The following OR10R2 variants were observed in gnomAD, a reference collection of about 807,000 sequenced individuals.
OR10R2 encodes the protein olfactory receptor 10R2.
OR10R2 carries 1 observed loss-of-function variant against 2.4 expected under a neutral mutation model. That is an observed-to-expected ratio of 0.41 (90% CI 0.15 to 1.95). The LOEUF (loss-of-function observed/expected upper bound fraction) is 1.95, where lower values mean the gene tolerates loss of function less well. OR10R2 is among the 30% of genes most tolerant of loss of function. The probability of loss-of-function intolerance (pLI) is 0.30; values close to 1 mark genes in which losing one functional copy is unlikely to be tolerated. For synonymous variants in OR10R2, 166 were observed against 144.8 expected, an observed-to-expected ratio of 1.15 and a Z score of -1.05; for missense variants, 419 against 373.0, an observed-to-expected ratio of 1.12 and a Z score of -1.01.
exon 2 of OR10R2, chr1:158,480,607 A>G (rs1571296484): frequency 1.1e-5 from 17 of 1,613,406 alleles, no homozygotes; most frequent in African/African-American, 1.3e-5. Flanking sequence ...CATTCTGAGG[A>G]CTATCCTGAA....
At chr1:158,479,904 C>G in intron 1 of OR10R2, 34 bp from the exon 2 acceptor site, 1 of 1,609,334 alleles carries the variant, frequency 6.2e-7, no homozygotes. Context: ...TATTCACATA[C>G]CTGAATATGT....
Position 158,480,249 on chromosome 1 carries a change from C to T in OR10R2, c.339C>T (p.Phe113=), listed in dbSNP as rs747476584. 6.2e-6 allele frequency: 10 copies of T among 1,613,972 alleles called. No homozygotes were observed. The Admixed American group carries it at 1.0e-4, about 16-fold the overall frequency. Residue 113 remains phenylalanine, a synonymous_variant, in exon 2 of 2, where the codon TTC becomes TTT. Coordinates refer to ENST00000641067, the Ensembl canonical transcript of OR10R2. ...GTTGTGCTCTTCAAATGTTCTTCTTCCTTGGTTTTGCCATTACCAACTGCC... is the reference window on the plus strand; with the variant it reads ...GTTGTGCTCTTCAAATGTTCTTCTTTCTTGGTTTTGCCATTACCAACTGCC...
At chr1:158,476,056 A>AAT (rs756976019) in intron 1 of OR10R2, among the ~76,000 whole-genome samples, 1 of 152,050 alleles carries the variant, frequency 6.6e-6, no homozygotes, top group Non-Finnish European at 1.5e-5. Flanking sequence ...CATATTTTCT[A>AAT]ATATATATAG....
At position 158,480,324 on chromosome 1, in the gene OR10R2, T is replaced by A. The variant is rs144516444; in HGVS notation, c.414T>A (p.Pro138=). The change falls in exon 2 of 2, where the codon CCT becomes CCA. Residue 138 remains proline, a synonymous_variant. Transcript: ENST00000641067. ...ATCGCTATGCTGCCATTTGTCACCC[T>A]CTGCATTACCCCACTCTTATGAGCT... The A allele has an allele frequency of 6.3e-5, 102 of 1,614,170 alleles. 1 individual carries two copies. Among genetic ancestry groups the A allele is most frequent in the Middle Eastern group, 4.9e-4 (3 of 6,062 alleles).
intron 1 of OR10R2, among the ~76,000 whole-genome samples, chr1:158,475,054 C>T (rs1255323860): frequency 3.9e-5 from 6 of 152,080 alleles, no homozygotes; most frequent in Non-Finnish European, 7.4e-5. Flanking sequence ...TAATCACAGC[C>T]TGTTTCATAG....
At chr1:158,475,135 T>G (rs7551497) in intron 1 of OR10R2, among the ~76,000 whole-genome samples, 83,947 of 151,198 alleles carry the variant, frequency 0.56, 23,327 homozygotes, top group Middle Eastern at 0.63. Flanking sequence ...GAAGAACTGG[T>G]ACCCAAAGCC....
rs199789662 is a variant in OR10R2 at position 158,474,597 on chromosome 1, A to G, written c.27+2245A>G. ...GGGCCTGGAGAGAAAAAGAAAGTTC[A>G]TTCTCCAATAAAGATGTTATGAATC... On this transcript the variant is annotated intron_variant, in intron 1 of 1. Coordinates refer to ENST00000641067, the Ensembl canonical transcript of OR10R2. 7.2e-5 allele frequency: 11 copies of G among 152,312 alleles called. No homozygotes were observed. The East Asian group carries it at 1.9e-3, about 27-fold the overall frequency. 9.4% of individuals were successfully genotyped at this position (152,312 alleles called of 1,614,324 possible).
intron 1 of OR10R2, among the ~76,000 whole-genome samples, chr1:158,476,381 A>G (rs1656269642): frequency 6.6e-6 from 1 of 151,836 alleles, no homozygotes; most frequent in African/African-American, 2.4e-5. Context: ...CCCCGTCTCT[A>G]CTAAAAGTAC....
intron 1 of OR10R2, among the ~76,000 whole-genome samples, chr1:158,478,332 C>T (rs1387378669): frequency 6.6e-6 from 1 of 152,082 alleles, no homozygotes; most frequent in Non-Finnish European, 1.5e-5. Context: ...AGAGCTTTTG[C>T]ACAGCAAAAG....
intron 1 of OR10R2, among the ~76,000 whole-genome samples, chr1:158,473,921 C>T (rs1012937473): frequency 2.9e-5 from 4 of 138,302 alleles, no homozygotes; most frequent in Non-Finnish European, 6.1e-5. Context: ...CCTTCCTTCC[C>T]TCCCTCCCTC....
chr1:158,479,943 G>A lies in OR10R2; in HGVS notation c.33G>A (p.Leu11=), dbSNP rs146148080. ...ACTTCTTTCCCCCTTTGCAGATCTT[G>A]GCAGAAAACCTCACCATGGTCACCG... is the stretch of plus-strand genomic sequence containing the variant. Residue 11 remains leucine, a synonymous_variant, in exon 2 of 2, where the codon TTG becomes TTA. Coordinates refer to ENST00000641067, the Ensembl canonical transcript of OR10R2. 287 of 1,613,962 alleles carry A rather than the reference G, an allele frequency of 1.8e-4. 2 individuals carry two copies. In the Middle Eastern group the frequency reaches 6.9e-3, roughly 39 times the overall value.
exon 2 of OR10R2, chr1:158,479,977 T>C (rs1162211872): frequency 1.9e-6 from 3 of 1,614,012 alleles, no homozygotes. Context: ...CGAATTCCTG[T>C]TGCTGGGTTT....
intron 1 of OR10R2, among the ~76,000 whole-genome samples, chr1:158,476,691 T>A (rs1656278809): frequency 6.6e-6 from 1 of 152,182 alleles, no homozygotes; most frequent in African/African-American, 2.4e-5. Context: ...TGTGAGCACT[T>A]GGATAGTCAT....
At chr1:158,479,805 A>T (rs1223853663) in intron 1 of OR10R2, 133 bp from the exon 2 acceptor site, 2 of 829,126 alleles carry the variant, frequency 2.4e-6, no homozygotes, top group East Asian at 2.4e-5. Flanking sequence ...CATGAGAGGT[A>T]GTTAGGAACC....
exon 2 of OR10R2, chr1:158,480,021 T>C: frequency 1.2e-6 from 2 of 1,614,048 alleles, no homozygotes; most frequent in Non-Finnish European, 1.7e-6. Flanking sequence ...TGGCCCTCTT[T>C]GTAGTTTTTC....
exon 2 of OR10R2, chr1:158,479,948 A>G (rs781359309): frequency 6.2e-7 from 1 of 1,614,106 alleles, no homozygotes; most frequent in Non-Finnish European, 8.5e-7. Context: ...ATCTTGGCAG[A>G]AAACCTCACC....
chr1:158,477,907 A>G (rs1046477180), intron 1 of OR10R2, among the ~76,000 whole-genome samples: 1 of 152,186 alleles, frequency 6.6e-6, no homozygotes, highest in Non-Finnish European at 1.5e-5. Context: ...TTCAAACTAT[A>G]CTATAACGTT....
At position 158,480,214 on chromosome 1, in the gene OR10R2, T is replaced by C. The variant is rs571132951; in HGVS notation, c.304T>C (p.Ser102Pro). ...TCTACTTTCTGTGGCCAGGACAATC[T>C]CCTTCAACTGTTGTGCTCTTCAAAT... The change falls in exon 2 of 2, where the codon TCC becomes CCC. Residue 102 changes from serine to proline, a missense_variant. Transcript: ENST00000641067. 2.9e-5 allele frequency: 46 copies of C among 1,613,996 alleles called. No individual in the cohort carries two copies. In the South Asian group the frequency reaches 4.9e-4, roughly 17 times the overall value.
At chr1:158,473,004 A>G (rs987436665) in intron 1 of OR10R2, among the ~76,000 whole-genome samples, 4 of 152,208 alleles carry the variant, frequency 2.6e-5, no homozygotes, top group African/African-American at 9.6e-5. Flanking sequence ...GGATTAATTT[A>G]TTTGCTCAAA....
Sources: allele counts gnomAD v4.1 joint callset (sites outside exome capture counted in the v4.1 genomes callset), GRCh38; gene constraint gnomAD v4.1.1; transcripts MANE v1.5; gene names NCBI Gene and HGNC (gene_info 2026-07-23, HGNC 2026-07-21).